The following TNS3 variants were observed in gnomAD, a reference collection of about 807,000 sequenced individuals.
TNS3 encodes the protein tensin-3.
A neutral mutation model predicts 140.9 loss-of-function variants in TNS3; 45 were observed. The observed-to-expected ratio is 0.32, with a 90% CI of 0.25 to 0.41. TNS3 has a LOEUF of 0.41. TNS3 is among the 10% of genes least tolerant of loss of function. The pLI is 1.00. For synonymous variants in TNS3, 815 were observed against 788.4 expected (o/e 1.03, Z -0.56); for missense variants, 1,716 against 1,906.7 (o/e 0.90, Z 1.86).
intron 10 of TNS3, among the ~76,000 whole-genome samples, chr7:47,419,962 G>A (rs1015704422): frequency 6.6e-6 from 1 of 152,044 alleles, no homozygotes; most frequent in Non-Finnish European, 1.5e-5. Flanking sequence ...ATAAAACTCT[G>A]GTCTCCTGTT....
intron 10 of TNS3, among the ~76,000 whole-genome samples, 192 bp downstream of exon 10, chr7:47,423,909 G>A (rs1180883658): frequency 6.6e-6 from 1 of 151,880 alleles, no homozygotes; most frequent in Non-Finnish European, 1.5e-5. Flanking sequence ...TCTCACCACA[G>A]ACACACAGGA....
intron 2 of TNS3, among the ~76,000 whole-genome samples, chr7:47,519,004 CAGAG>C (rs1798874217): frequency 6.6e-6 from 1 of 152,202 alleles, no homozygotes. Flanking sequence ...CAAGAGCTGA[CAGAG>C]TCCTTTTACG....
chr7:47,545,703 A>T (rs1418546171), intron 1 of TNS3, among the ~76,000 whole-genome samples: 2 of 152,136 alleles, frequency 1.3e-5, no homozygotes, highest in African/African-American at 2.4e-5. Context: ...ACACCTCCCC[A>T]GTTTCTTCCT....
At chr7:47,362,423 T>A (rs950376881) in intron 17 of TNS3, among the ~76,000 whole-genome samples, 7 of 152,154 alleles carry the variant, frequency 4.6e-5, no homozygotes, top group Non-Finnish European at 1.0e-4. Context: ...AGCAGAGTAG[T>A]TCAGGTCTCA....
At chr7:47,447,634 A>G (rs1005243140) in intron 4 of TNS3, among the ~76,000 whole-genome samples, 8 of 152,150 alleles carry the variant, frequency 5.3e-5, no homozygotes, top group Non-Finnish European at 8.8e-5. Context: ...CCTATGGCAC[A>G]TGGTCCTGCA....
At chr7:47,372,937 G>A (rs1791160603) in intron 16 of TNS3, among the ~76,000 whole-genome samples, 1 of 152,206 alleles carries the variant, frequency 6.6e-6, no homozygotes, top group African/African-American at 2.4e-5. Flanking sequence ...GACTGGTCAA[G>A]CTTCTGAATC....
intron 10 of TNS3, among the ~76,000 whole-genome samples, chr7:47,423,786 G>C (rs1794504027): frequency 2.0e-5 from 3 of 152,188 alleles, no homozygotes; most frequent in Admixed American, 1.3e-4. Flanking sequence ...ATAGAACCAA[G>C]TTCCAACATA....
At chr7:47,280,496 GA>G in intron 28 of TNS3, 142 bp from the exon 29 acceptor site, 8 of 787,036 alleles carry the variant, frequency 1.0e-5, no homozygotes, top group Non-Finnish European at 1.7e-5. Flanking sequence ...TTGGAGAGAA[GA>G]AAGTGCGTGC....
chr7:47,576,148 A>C (rs1036051078), intron 1 of TNS3, among the ~76,000 whole-genome samples: 3 of 152,184 alleles, frequency 2.0e-5, no homozygotes, highest in Admixed American at 1.3e-4. Flanking sequence ...CTTAGCACAC[A>C]GCTCCCTCCC....
At chr7:47,445,570 G>A (rs1291164868) in intron 4 of TNS3, among the ~76,000 whole-genome samples, 1 of 152,154 alleles carries the variant, frequency 6.6e-6, no homozygotes, top group Non-Finnish European at 1.5e-5. Context: ...TGGGGGAGCT[G>A]TTCTAGCCCC....
intron 13 of TNS3, among the ~76,000 whole-genome samples, chr7:47,408,290 C>G (rs761593123): frequency 2.0e-4 from 30 of 152,316 alleles, no homozygotes; most frequent in Non-Finnish European, 4.1e-4. Context: ...GCCAAACCCA[C>G]ACCTCCACCA....
At chr7:47,322,490 C>A (rs1787799908) in intron 20 of TNS3, among the ~76,000 whole-genome samples, 1 of 152,080 alleles carries the variant, frequency 6.6e-6, no homozygotes, top group Admixed American at 6.5e-5. Flanking sequence ...CCACTGCACT[C>A]CAGCCTGGGT....
At position 47,454,609 on chromosome 7, in the gene TNS3, T is replaced by TG. The variant is rs35089531; in HGVS notation, c.-75-12555dup. Among the ~76,000 whole-genome samples, 11 of 151,946 alleles carry TG rather than the reference T, an allele frequency of 7.2e-5. No individual in the cohort carries two copies. In the South Asian group the frequency reaches 1.7e-3, roughly 23 times the overall value. On this transcript the variant is annotated intron_variant, in intron 4 of 30. Coordinates refer to ENST00000311160, the MANE Select transcript of TNS3 (RefSeq NM_022748.12). ...GAAAGGCCATGGGGAGGGGCTGCTC[T>TG]GGGGGGGCAACAGCTGGGCAGGGTG...
chr7:47,502,983 G>A (rs933648086), intron 3 of TNS3, among the ~76,000 whole-genome samples: 1 of 152,178 alleles, frequency 6.6e-6, no homozygotes, highest in Non-Finnish European at 1.5e-5. Flanking sequence ...GAGAGCATTG[G>A]AGCCCAGGTG....
intron 16 of TNS3, among the ~76,000 whole-genome samples, chr7:47,378,964 G>A (rs1336529451): frequency 1.3e-5 from 2 of 152,210 alleles, no homozygotes; most frequent in Non-Finnish European, 2.9e-5. Context: ...CAGCCAGTGG[G>A]GGTTTCAGTG....
At chr7:47,403,773 A>G (rs1225587227) in intron 13 of TNS3, among the ~76,000 whole-genome samples, 1 of 152,136 alleles carries the variant, frequency 6.6e-6, no homozygotes, top group Non-Finnish European at 1.5e-5. Flanking sequence ...CCACTCACCA[A>G]CCAGGAGCCC....
Position 47,368,838 on chromosome 7 carries a change from A to T in TNS3, c.1808T>A (p.Phe603Tyr), listed in dbSNP as rs754194613. 6.8e-6 allele frequency: 11 copies of T among 1,613,212 alleles called. No individual in the cohort carries two copies. Among genetic ancestry groups the T allele is most frequent in the Non-Finnish European group, 1.7e-6 (2 of 1,179,876 alleles). ...CAGCCGGGCCTCCCCATCTGGGGCG[A>T]AGCTATACTGGTGAGCTACAACCAT... Reference protein sequence around the residue: ...QQMVVAHQYSFAPDGEARLVS... With the variant: ...QQMVVAHQYSYAPDGEARLVS... Residue 603 changes from phenylalanine to tyrosine, a missense_variant, in exon 17 of 31, where the codon TTC (phenylalanine) becomes TAC (tyrosine). This residue lies in a region of TNS3 where 1,163 missense variants were observed against 1,182.1 expected (regional missense o/e 0.98). Transcript: ENST00000311160.
chr7:47,314,444 G>C (rs1787279076), intron 20 of TNS3, among the ~76,000 whole-genome samples: 1 of 152,244 alleles, frequency 6.6e-6, no homozygotes, highest in Non-Finnish European at 1.5e-5. Flanking sequence ...GCACAGAACA[G>C]GAGCCGGCAG....
At position 47,352,544 on chromosome 7, in the gene TNS3, C is replaced by CA. The variant is rs1283660726; in HGVS notation, c.2282-6189dup. ...GTATCTGCAAACCTCACACCTGTGT[C>CA]AAACAAGCCCTTCTCCCCACCTGGG... On this transcript the variant is annotated intron_variant, in intron 17 of 30. Coordinates refer to ENST00000311160, the MANE Select transcript of TNS3 (RefSeq NM_022748.12). Among the ~76,000 whole-genome samples the CA allele has an allele frequency of 5.3e-5, 8 of 152,310 alleles. No homozygotes were observed. The East Asian group carries it at 1.4e-3, about 26-fold the overall frequency.
Sources: allele counts gnomAD v4.1 joint callset (sites outside exome capture counted in the v4.1 genomes callset), GRCh38; gene constraint gnomAD v4.1.1; regional missense constraint gnomAD v4.1.1; transcripts MANE v1.5; gene names NCBI Gene and HGNC (gene_info 2026-07-23, HGNC 2026-07-21).